The following CNTN1 variants were observed in gnomAD, a reference collection of about 807,000 sequenced individuals.
CNTN1 encodes the protein contactin-1.
In CNTN1, 38 loss-of-function variants were observed where a neutral mutation model predicts 126.4. The ratio of observed to expected loss-of-function variants is 0.30; its 90% CI spans 0.23 to 0.39. The LOEUF (loss-of-function observed/expected upper bound fraction) is 0.39. Among genes scored for constraint, CNTN1 ranks in the 10% least tolerant of loss-of-function variants. CNTN1 has a pLI of 1.00. For missense variants in CNTN1, 1,009 were observed against 1,248.4 expected, an observed-to-expected ratio of 0.81 and a Z score of 2.89; for synonymous variants, 413 against 422.6, an observed-to-expected ratio of 0.98 and a Z score of 0.28.
chr12:40,850,385 A>G (rs777242822), intron 1 of CNTN1, among the ~76,000 whole-genome samples: 16 of 152,128 alleles, frequency 1.1e-4, no homozygotes, highest in Non-Finnish European at 2.4e-4. Flanking sequence ...CTTTTCAGCC[A>G]TTATGTTAGA....
At chr12:40,849,246 T>G (rs1234553256) in intron 1 of CNTN1, among the ~76,000 whole-genome samples, 1 of 152,068 alleles carries the variant, frequency 6.6e-6, no homozygotes, top group African/African-American at 2.4e-5. Flanking sequence ...TTACACTTAT[T>G]TAAAAAAGGT....
chr12:40,834,242 G>A (rs890560572), intron 1 of CNTN1, among the ~76,000 whole-genome samples: 1 of 152,160 alleles, frequency 6.6e-6, no homozygotes, highest in South Asian at 2.1e-4. Flanking sequence ...AACAGTAAAC[G>A]ATTTTAAGAG....
intron 23 of CNTN1, among the ~76,000 whole-genome samples, chr12:41,051,441 G>A (rs746867830): frequency 9.2e-5 from 14 of 151,608 alleles, no homozygotes; most frequent in Non-Finnish European, 1.6e-4. Context: ...GTGAGCCACC[G>A]CACCCAGCCT....
chr12:41,022,133 G>C (rs1269046344), intron 20 of CNTN1, among the ~76,000 whole-genome samples: 1 of 151,964 alleles, frequency 6.6e-6, no homozygotes, highest in East Asian at 1.9e-4. Flanking sequence ...CTTTTAACAA[G>C]AAGAAGACAA....
At chr12:40,765,445 A>G (rs1167653553) in intron 1 of CNTN1, among the ~76,000 whole-genome samples, 1 of 152,180 alleles carries the variant, frequency 6.6e-6, no homozygotes, top group Non-Finnish European at 1.5e-5. Context: ...CAGAGCATTT[A>G]GCTAGAGAAG....
chr12:40,908,605 C>A, intron 2 of CNTN1, 112 bp downstream of exon 2: 1 of 718,520 alleles, frequency 1.4e-6, no homozygotes, highest in Non-Finnish European at 2.3e-6. Context: ...ACATCTGGGT[C>A]AGATAAGTAG....
At chr12:41,004,608 CT>C in intron 17 of CNTN1, among the ~76,000 whole-genome samples, 1 of 152,306 alleles carries the variant, frequency 6.6e-6, no homozygotes, top group Middle Eastern at 3.4e-3. Context: ...CTTTATGAAT[CT>C]GGGTGCTCCT....
intron 1 of CNTN1, among the ~76,000 whole-genome samples, chr12:40,721,798 A>C (rs958627994): frequency 2.1e-4 from 31 of 147,236 alleles, no homozygotes; most frequent in Non-Finnish European, 3.3e-4. Context: ...GAGAACATGC[A>C]GTGTTTGGTT....
At chr12:40,830,851 CCTAA>C (rs1252014484) in intron 1 of CNTN1, among the ~76,000 whole-genome samples, 26 of 87,832 alleles carry the variant, frequency 3.0e-4, no homozygotes, top group East Asian at 7.4e-4. Flanking sequence ...TATCTGTCTA[CCTAA>C]CTATCTAGTT....
intron 1 of CNTN1, among the ~76,000 whole-genome samples, chr12:40,857,674 T>G (rs1942961618): frequency 2.0e-5 from 3 of 152,030 alleles, no homozygotes; most frequent in African/African-American, 7.2e-5. Context: ...TGAATTAAAT[T>G]TTTCTAAATG....
intron 1 of CNTN1, chr12:40,828,370 G>C (rs942649920): frequency 6.6e-6 from 1 of 152,170 alleles, no homozygotes; most frequent in Non-Finnish European, 1.5e-5. Context: ...GGATAATGGT[G>C]ATGCGATATT....
rs1470470128 is a variant in CNTN1 at position 40,900,370 on chromosome 12, G to GA, written c.-76-7984dup. 3.3e-5 allele frequency among the ~76,000 whole-genome samples: 5 copies of GA among 152,124 alleles called. No homozygotes were observed. In the East Asian group the frequency reaches 9.6e-4, roughly 29 times the overall value. On this transcript the variant is annotated intron_variant, in intron 1 of 23. Transcript: ENST00000551295. ...CCACACGTATTCCCTGGAATTTCAG[G>GA]AAACCATCATTTTTAGGTGGTAGCA...
At chr12:40,980,015 T>A (rs912456130) in intron 15 of CNTN1, among the ~76,000 whole-genome samples, 2 of 152,184 alleles carry the variant, frequency 1.3e-5, no homozygotes, top group African/African-American at 2.4e-5. Context: ...TAGAAACATT[T>A]TTAATATTAC....
At chr12:40,850,585 C>T (rs1942680873) in intron 1 of CNTN1, among the ~76,000 whole-genome samples, 2 of 151,456 alleles carry the variant, frequency 1.3e-5, no homozygotes, top group South Asian at 2.1e-4. Flanking sequence ...CAGTCTGAAT[C>T]TTTTATTGTT....
intron 16 of CNTN1, among the ~76,000 whole-genome samples, chr12:40,991,975 AAAAC>A (rs1281168846): frequency 1.3e-5 from 2 of 152,250 alleles, no homozygotes; most frequent in Admixed American, 6.5e-5. Context: ...CATGTGAATT[AAAAC>A]AAACAGTTTC....
In CNTN1 at chr12:40,983,978, AAT is replaced by A. The variant is rs202088980; in HGVS notation, c.1963+2916_1963+2917del. On this transcript the variant is annotated intron_variant, in intron 16 of 23. Coordinates refer to ENST00000551295, the MANE Select transcript of CNTN1 (RefSeq NM_001843.4). ...TATATATATTGCTATAATAGCATAT[AAT>A]ATATGATATTAATATTTAGTAATAT... is the stretch of plus-strand genomic sequence containing the variant. 1.6e-3 allele frequency among the ~76,000 whole-genome samples: 241 copies of A among 146,744 alleles called. 2 individuals are homozygous for A. In the East Asian group the frequency reaches 0.036, roughly 22 times the overall value.
At chr12:40,940,502 C>T (rs536026874) in intron 12 of CNTN1, among the ~76,000 whole-genome samples, 1 of 152,224 alleles carries the variant, frequency 6.6e-6, no homozygotes, top group East Asian at 1.9e-4. Context: ...ACATTATTTT[C>T]TTCACAGTAA....
intron 1 of CNTN1, among the ~76,000 whole-genome samples, chr12:40,857,732 T>C (rs1396022755): frequency 6.6e-6 from 1 of 152,112 alleles, no homozygotes; most frequent in Non-Finnish European, 1.5e-5. Context: ...AGTCAGTCAT[T>C]GTCACCTTCC....
chr12:40,735,468 T>C (rs1324345324), intron 1 of CNTN1, among the ~76,000 whole-genome samples: 1 of 152,106 alleles, frequency 6.6e-6, no homozygotes, highest in Non-Finnish European at 1.5e-5. Context: ...AAACATCTCT[T>C]GGGCTGAGTC....
Sources: allele counts gnomAD v4.1 joint callset (sites outside exome capture counted in the v4.1 genomes callset), GRCh38; gene constraint gnomAD v4.1.1; transcripts MANE v1.5; gene names NCBI Gene and HGNC (gene_info 2026-07-23, HGNC 2026-07-21).